Variants in VWA7 observed in about 807,000 individuals in gnomAD.
VWA7 encodes the protein von Willebrand factor A domain-containing protein 7.
A neutral mutation model predicts 83.1 loss-of-function variants in VWA7; 66 were observed. That is an observed-to-expected ratio of 0.79 (90% CI 0.65 to 0.98). The LOEUF (loss-of-function observed/expected upper bound fraction) is 0.98, where lower values mean the gene tolerates loss of function less well. Among genes scored for constraint, VWA7 ranks in the 50% least tolerant of loss-of-function variants. VWA7 has a pLI of 0.00. For synonymous variants in VWA7, 424 were observed against 488.5 expected, an observed-to-expected ratio of 0.87 and a Z score of 1.74; for missense variants, 1,080 against 1,160.2, an observed-to-expected ratio of 0.93 and a Z score of 1.00.
At position 31,767,721 on chromosome 6, in the gene VWA7, G is replaced by C; in HGVS notation, c.1537C>G (p.Pro513Ala). Residue 513 changes from proline to alanine, a missense_variant, in exon 11 of 17, where the codon CCT (proline) becomes GCT (alanine). Physicochemically the swap from Pro to Ala is conservative, Grantham distance 27 (BLOSUM62 -1). Coordinates refer to ENST00000375688, the MANE Select transcript of VWA7 (RefSeq NM_025258.3). ...ACGCTGAACACAAGTGGCTGCCCAG[G>C]CACCACAACAGGAGGGTCCAGGGGA... ...TLPLDPPVVVPGQPLVFSVDG... is the reference protein window; with the variant it reads ...TLPLDPPVVVAGQPLVFSVDG... 3.7e-6 allele frequency: 6 copies of C among 1,612,678 alleles called. No individual in the cohort carries two copies. Among genetic ancestry groups the C allele is most frequent in the Non-Finnish European group, 5.1e-6 (6 of 1,178,756 alleles).
chr6:31,767,280 T>A, intron 12 of VWA7, 30 bp from the exon 13 acceptor site: 1 of 1,612,456 alleles, frequency 6.2e-7, no homozygotes, highest in Admixed American at 1.7e-5. Flanking sequence ...GTCAGAGCCC[T>A]TCCTGAAAGG....
rs1812381735 is a variant in VWA7 at position 31,773,316 on chromosome 6, T to G, written c.843A>C (p.Ala281=). The change falls in exon 6 of 17, where the codon GCA becomes GCC. Residue 281 remains alanine, a synonymous_variant. Transcript: ENST00000375688. This position sits in a 1 kb window ranked among gnomAD's most constrained non-coding sequence, Gnocchi z 5.3. ...SPHHMLHLQA[A]KLALLASIQA... ...GGATGGAGGCTAGAAGGGCCAGTTT[T>G]GCAGCCTGGAGGTGCAGCATGTGGT... The G allele has an allele frequency of 6.2e-7, 1 of 1,609,022 alleles. No homozygotes were observed. Among genetic ancestry groups the G allele is most frequent in the Non-Finnish European group, 8.5e-7 (1 of 1,177,980 alleles).
intron 7 of VWA7, chr6:31,771,916 G>A (rs1317038133): frequency 6.7e-6 from 1 of 149,968 alleles, no homozygotes; most frequent in African/African-American, 2.5e-5. Context: ...GCGTGAACCC[G>A]GGAGACGGAG....
Position 31,767,308 on chromosome 6 carries a change from T to C in VWA7, c.1789+54A>G, listed in dbSNP as rs558409288. On this transcript the variant is annotated intron_variant, in intron 12 of 16. Transcript: ENST00000375688. Reference sequence around the variant, plus strand: ...CTGAAAGGAATGTGACTGATCGTGTTCTCTGAGGCCTGCAGTCTCTGCTTC... The same window carrying C: ...CTGAAAGGAATGTGACTGATCGTGTCCTCTGAGGCCTGCAGTCTCTGCTTC... The C allele has an allele frequency of 5.5e-4, 888 of 1,613,086 alleles. 1 individual carries two copies. The highest frequency in any genetic ancestry group is 2.0e-3 in the Admixed American group (119 of 59,908).
chr6:31,768,139 C>CAA (rs9279412), intron 10 of VWA7, among the ~76,000 whole-genome samples: 146 of 76,902 alleles, frequency 1.9e-3, no homozygotes, highest in East Asian at 3.9e-3. Context: ...GACTCTGTCT[C>CAA]AAAAAAAAAA....
At chr6:31,771,990 CAAAAAAA>C (rs34193146) in intron 7 of VWA7, among the ~76,000 whole-genome samples, 6 of 41,934 alleles carry the variant, frequency 1.4e-4, no homozygotes, top group East Asian at 1.4e-3. Context: ...GACTCCGTCT[CAAAAAAA>C]AAAAAAAAAA....
At position 31,769,004 on chromosome 6, in the gene VWA7, T is replaced by C. The variant is rs1256950769; in HGVS notation, c.1503+14A>G. ...CCCTTCAGTTCCTAAGTGAGGGCCC[T>C]GGCCCCCACTTACCAGGGCAGCCAT... On this transcript the variant is annotated intron_variant, in intron 10 of 16. Coordinates refer to ENST00000375688, the MANE Select transcript of VWA7 (RefSeq NM_025258.3). The surrounding 1 kb of genome is among the most constrained non-coding windows in gnomAD (Gnocchi z 4.5). 1.9e-6 allele frequency: 3 copies of C among 1,603,470 alleles called. No homozygotes were observed. The South Asian group carries it at 3.3e-5, about 18-fold the overall frequency.
rs28399997 is a variant in VWA7 at position 31,765,767 on chromosome 6, G to T, written c.2503C>A (p.Arg835=). 6.3e-7 allele frequency: 1 copy of T among 1,584,450 alleles called. No individual in the cohort carries two copies. Residue 835 remains arginine, a synonymous_variant, in exon 17 of 17, where the codon CGG becomes AGG. Transcript: ENST00000375688. ...GATGAGCCGGTAGGGGTGGTGTGCC[G>T]GTCCTGTGGGGAAAAGGAAGAGAAT... ...LLVSAPAPQD[R]HTTPTGSSDP...
In VWA7 at chr6:31,775,058, G is replaced by T. The variant is rs1812557749; in HGVS notation, c.610+275C>A. Among the ~76,000 whole-genome samples the T allele has an allele frequency of 6.6e-6, 1 of 152,180 alleles. No homozygotes were observed. The highest frequency in any genetic ancestry group is 2.1e-4 in the South Asian group (1 of 4,828). ...GCAGCTTCCAGGTGAGAGGGTGAGG[G>T]GGCTGTGAGAGAAGGCCCCATGGGA... On this transcript the variant is annotated intron_variant, in intron 4 of 16. Transcript: ENST00000375688. The surrounding 1 kb of genome is among the most constrained non-coding windows in gnomAD (Gnocchi z 5.9).
In VWA7 at chr6:31,776,906, A is replaced by G. The variant is rs1812739383; in HGVS notation, c.-15-112T>C. 3.4e-6 allele frequency: 2 copies of G among 585,610 alleles called. No homozygotes were observed. Among genetic ancestry groups the G allele is most frequent in the African/African-American group, 3.9e-5 (2 of 51,610 alleles). The allele number at this position is 585,610 out of a possible 1,614,324, so 36.3% of individuals were successfully genotyped here. A position where few individuals can be genotyped will look rare whatever the true frequency, so the allele number is the denominator to read the frequency against. On this transcript the variant is annotated intron_variant, in intron 1 of 16. Coordinates refer to ENST00000375688, the MANE Select transcript of VWA7 (RefSeq NM_025258.3). This position sits in a 1 kb window ranked among gnomAD's most constrained non-coding sequence, Gnocchi z 6.2. ...TTACCTCAAAAGTCGTGTCTGCTCC[A>G]GCCTGGCTTCCCCACCCTCTCGCTG...
intron 7 of VWA7, 149 bp downstream of exon 7, chr6:31,772,805 G>T: frequency 1.1e-6 from 1 of 922,386 alleles, no homozygotes. Context: ...CTCCATATTA[G>T]TCAGGCTGGT....
intron 11 of VWA7, 46 bp downstream of exon 11, chr6:31,767,576 T>C (rs763322943): frequency 1.1e-5 from 17 of 1,599,432 alleles, no homozygotes; most frequent in African/African-American, 1.3e-5. Flanking sequence ...ATCCCCTCGA[T>C]TGTCTATTCC....
intron 10 of VWA7, 76 bp from the exon 11 acceptor site, chr6:31,767,830 TAGAA>T (rs1202142730): frequency 4.8e-5 from 72 of 1,511,058 alleles, no homozygotes; most frequent in Admixed American, 1.2e-4. Context: ...AAAGGGGAGA[TAGAA>T]AGAAACCACG....
In VWA7 at chr6:31,776,094, A is replaced by G; in HGVS notation, c.383T>C (p.Phe128Ser). The G allele has an allele frequency of 2.5e-6, 4 of 1,613,980 alleles. No homozygotes were observed. The highest frequency in any genetic ancestry group is 3.4e-6 in the Non-Finnish European group (4 of 1,180,020). ...PTSRNDPDLH[F>S]DAERLGQGRA... ...TCCCTGACCCAGTCGCTCAGCATCAAAGTGCAGGTCGGGGTCATTCCTGGA... is the reference window on the plus strand; with the variant it reads ...TCCCTGACCCAGTCGCTCAGCATCAGAGTGCAGGTCGGGGTCATTCCTGGA... The change falls in exon 3 of 17, where the codon TTT becomes TCT. Residue 128 changes from phenylalanine (F) to serine (S), a missense_variant. Transcript: ENST00000375688. This position sits in a 1 kb window ranked among gnomAD's most constrained non-coding sequence, Gnocchi z 6.2.
In VWA7 at chr6:31,776,324, C is replaced by T; in HGVS notation, c.235-82G>A. On this transcript the variant is annotated intron_variant, in intron 2 of 16. Coordinates refer to ENST00000375688, the MANE Select transcript of VWA7 (RefSeq NM_025258.3). This position sits in a 1 kb window ranked among gnomAD's most constrained non-coding sequence, Gnocchi z 6.2. ...CCACCTTATCTCAGCAACTGACACT[C>T]AAGGCTGGGTATGAGGGTCCTGAGC... 1 of 1,541,854 alleles carries T rather than the reference C, an allele frequency of 6.5e-7. No individual in the cohort carries two copies. The highest frequency in any genetic ancestry group is 8.8e-7 in the Non-Finnish European group (1 of 1,142,616).
At position 31,775,819 on chromosome 6, in the gene VWA7, A is replaced by T; in HGVS notation, c.513+145T>A. ...GCCAGCTTGGAGGTGGGGAACTGGG[A>T]CACAGCCTCGGGGCACCGCGTGCCA... is the stretch of plus-strand genomic sequence containing the variant. On this transcript the variant is annotated intron_variant, in intron 3 of 16. Transcript: ENST00000375688. The surrounding 1 kb of genome is among the most constrained non-coding windows in gnomAD (Gnocchi z 5.9). The T allele has an allele frequency of 7.4e-7, 1 of 1,357,664 alleles. No individual in the cohort carries two copies. The highest frequency in any genetic ancestry group is 9.9e-7 in the Non-Finnish European group (1 of 1,005,402). 84.1% of individuals were successfully genotyped at this position (1,357,664 alleles called of 1,614,324 possible).
In VWA7 at chr6:31,770,052, G is replaced by A. The variant is rs1355715740; in HGVS notation, c.1149C>T (p.Ile383=). ...GCTCGTCTCCACCCCCCAAGGCATG[G>A]ATCTCATTAAGCTGTTGCCAGAAGC... is the stretch of plus-strand genomic sequence containing the variant. ...PDSFWQQLNE[I]HALGGGDEPE... is the part of the protein sequence containing the mutation. The change falls in exon 8 of 17, where the codon ATC becomes ATT. Residue 383 remains isoleucine, a synonymous_variant. Transcript: ENST00000375688. 1.2e-6 allele frequency: 2 copies of A among 1,612,954 alleles called. No homozygotes were observed. Among genetic ancestry groups the A allele is most frequent in the East Asian group, 4.5e-5 (2 of 44,864 alleles).
Position 31,765,713 on chromosome 6 carries a change from CA to C in VWA7, c.2556del (p.Ala853ProfsTer8). ...SSDPILTTAT[P>X]AFSPFTLVTQ... is the part of the protein sequence containing the mutation. ...GTCACCAATGTGAAGGGGGAAAAGG[CA>C]GGGGTGGCCGTGGTGAGGATCGGGT... On this transcript the variant is annotated frameshift_variant, in exon 17 of 17. Coordinates refer to ENST00000375688, the MANE Select transcript of VWA7 (RefSeq NM_025258.3). LOFTEE classifies it low-confidence loss of function (END_TRUNC). 6 of 1,594,976 alleles carry C rather than the reference CA, an allele frequency of 3.8e-6. No homozygotes were observed. The highest frequency in any genetic ancestry group is 5.1e-6 in the Non-Finnish European group (6 of 1,171,306).
rs1811512453 is a variant in VWA7, at chr6:31,765,986, T to C, written c.2396A>G (p.Asp799Gly). 1 of 1,612,848 alleles carries C rather than the reference T, an allele frequency of 6.2e-7. No homozygotes were observed. Among genetic ancestry groups the C allele is most frequent in the African/African-American group, 1.3e-5 (1 of 74,922 alleles). The change falls in exon 16 of 17, where the codon GAT (aspartate) becomes GGT (glycine). Residue 799 changes from aspartate (D) to glycine (G), a missense_variant. Physicochemically the swap from Asp to Gly is moderately conservative, Grantham distance 94. Coordinates refer to ENST00000375688, the MANE Select transcript of VWA7 (RefSeq NM_025258.3). Reference sequence around the variant, plus strand: ...AGTCACAGTCACCATCACCACGGAATCCGGGGCCGCTGAATCTGGGACCTC... The same window carrying C: ...AGTCACAGTCACCATCACCACGGAACCCGGGGCCGCTGAATCTGGGACCTC... ...WLEVPDSAAP[D>G]SVVMVTVTAG...
Sources: allele counts gnomAD v4.1 joint callset (sites outside exome capture counted in the v4.1 genomes callset), GRCh38; gene constraint gnomAD v4.1.1; non-coding constraint Gnocchi (gnomAD v3.1); transcripts MANE v1.5; gene names NCBI Gene and HGNC (gene_info 2026-07-23, HGNC 2026-07-21).